The following PDZD2 variants were observed in gnomAD, a reference collection of about 807,000 sequenced individuals.
PDZD2 encodes the protein PDZ domain containing 2, also known as PDZ domain-containing protein 2.
Under a neutral mutation model 220.7 loss-of-function variants are expected in PDZD2, and 90 were observed. The ratio of observed to expected loss-of-function variants is 0.41; its 90% CI spans 0.34 to 0.49. The LOEUF (loss-of-function observed/expected upper bound fraction) is 0.49. Among genes scored for constraint, PDZD2 ranks in the 20% least tolerant of loss-of-function variants. The pLI, the probability that PDZD2 is intolerant of heterozygous loss-of-function variation, is 0.28. For synonymous variants in PDZD2, 1,375 were observed against 1,450.5 expected (o/e 0.95, Z 1.18); for missense variants, 3,174 against 3,608.5 (o/e 0.88, Z 3.08).
intron 6 of PDZD2, among the ~76,000 whole-genome samples, chr5:32,024,776 G>T (rs1016068767): frequency 6.6e-6 from 1 of 152,164 alleles, no homozygotes; most frequent in Non-Finnish European, 1.5e-5. Flanking sequence ...TGTAGATGAG[G>T]AGTTACAACT....
At chr5:31,765,598 T>C (rs894524407) in intron 1 of PDZD2, among the ~76,000 whole-genome samples, 1 of 152,290 alleles carries the variant, frequency 6.6e-6, no homozygotes, top group Non-Finnish European at 1.5e-5. Context: ...CTGTGTAGCC[T>C]GAGCTGAAAA....
chr5:31,880,791 CTTTTTTT>C lies in PDZD2; in HGVS notation c.476+81088_476+81094del, dbSNP rs1037018187. On this transcript the variant is annotated intron_variant, in intron 2 of 24. Transcript: ENST00000438447. ...AGAAAGGTAGCTTTCTTTTTTTTTT[CTTTTTTT>C]TTTTTTTTTTTTTTTTTTTTGAGAT... 2.5e-3 allele frequency among the ~76,000 whole-genome samples: 194 copies of C among 76,430 alleles called. 1 individual carries two copies. Among genetic ancestry groups the C allele is most frequent in the East Asian group, 4.7e-3 (13 of 2,758 alleles). The allele number at this position is 76,430 out of a possible 152,430, so 50.1% of individuals were successfully genotyped here.
chr5:31,693,113 G>A (rs1224410672), intron 1 of PDZD2: 1 of 151,888 alleles, frequency 6.6e-6, no homozygotes, highest in Non-Finnish European at 1.5e-5. Flanking sequence ...GCTCATGATT[G>A]GATGTGAGGT....
At chr5:32,019,479 A>G (rs1754026085) in intron 6 of PDZD2, among the ~76,000 whole-genome samples, 1 of 152,166 alleles carries the variant, frequency 6.6e-6, no homozygotes, top group African/African-American at 2.4e-5. Context: ...TGGATCCTCA[A>G]AGAGCAGTGG....
chr5:31,897,743 C>CTT (rs34233036), intron 2 of PDZD2, among the ~76,000 whole-genome samples: 5,543 of 146,774 alleles, frequency 0.038, 264 homozygotes, highest in African/African-American at 0.1. Context: ...TGACTGTTGG[C>CTT]TTTTTTTTTT....
At chr5:31,753,128 T>G (rs1196978751) in intron 1 of PDZD2, among the ~76,000 whole-genome samples, 1 of 152,202 alleles carries the variant, frequency 6.6e-6, no homozygotes, top group African/African-American at 2.4e-5. Flanking sequence ...GTCTATGAGG[T>G]ATCAGGTGGA....
intron 7 of PDZD2, among the ~76,000 whole-genome samples, chr5:32,038,964 A>C (rs946820134): frequency 6.6e-6 from 1 of 152,252 alleles, no homozygotes; most frequent in Non-Finnish European, 1.5e-5. Context: ...TTAACGTTCA[A>C]AAAACATTCA....
intron 6 of PDZD2, among the ~76,000 whole-genome samples, chr5:32,026,131 G>A (rs192977687): frequency 1.5e-5 from 2 of 137,432 alleles, no homozygotes; most frequent in East Asian, 4.1e-4. Context: ...TTGTCCTGTT[G>A]ACTACTATTT....
chr5:31,780,580 G>C (rs993006195), intron 1 of PDZD2, among the ~76,000 whole-genome samples: 1 of 152,188 alleles, frequency 6.6e-6, no homozygotes, highest in Non-Finnish European at 1.5e-5. Context: ...AAGACAGGTA[G>C]ATCCACTTTT....
intron 6 of PDZD2, among the ~76,000 whole-genome samples, chr5:32,011,864 G>A (rs1182019393): frequency 6.6e-6 from 1 of 152,158 alleles, no homozygotes; most frequent in Non-Finnish European, 1.5e-5. Flanking sequence ...ACTGCACAAA[G>A]GTGTCACTTG....
At chr5:31,971,732 A>C (rs1323930374) in intron 2 of PDZD2, among the ~76,000 whole-genome samples, 3 of 151,760 alleles carry the variant, frequency 2.0e-5, no homozygotes, top group Non-Finnish European at 4.4e-5. Flanking sequence ...ATATTAAAAC[A>C]TAATACATTT....
chr5:31,643,280 AG>A (rs1745016089), intron 1 of PDZD2, among the ~76,000 whole-genome samples: 1 of 152,152 alleles, frequency 6.6e-6, no homozygotes, highest in African/African-American at 2.4e-5. Flanking sequence ...GTGGATGAAA[AG>A]TTTTGGACTA....
chr5:32,072,074 T>C, intron 16 of PDZD2, 87 bp from the exon 17 acceptor site: 4 of 904,930 alleles, frequency 4.4e-6, no homozygotes, highest in Admixed American at 2.2e-5. Flanking sequence ...TAGAACGAAG[T>C]GTTCTTGGAA....
intron 2 of PDZD2, among the ~76,000 whole-genome samples, chr5:31,902,648 A>AT (rs1401292860): frequency 6.6e-6 from 1 of 150,588 alleles, no homozygotes; most frequent in Admixed American, 6.6e-5. Context: ...ATGCCTGCTA[A>AT]TTTTTGTATT....
intron 2 of PDZD2, among the ~76,000 whole-genome samples, chr5:31,805,610 C>A (rs1046288602): frequency 6.6e-6 from 1 of 152,186 alleles, no homozygotes; most frequent in Middle Eastern, 3.2e-3. Flanking sequence ...ATGAAGGACT[C>A]TCTTGCAATC....
At chr5:31,732,500 G>A (rs1029920891) in intron 1 of PDZD2, among the ~76,000 whole-genome samples, 2 of 152,226 alleles carry the variant, frequency 1.3e-5, no homozygotes, top group Non-Finnish European at 2.9e-5. Flanking sequence ...CAGGCCAGAA[G>A]GCTGAGCAGA....
intron 1 of PDZD2, 71 bp from the exon 2 acceptor site, chr5:31,798,818 G>A (rs1382526923): frequency 1.1e-5 from 2 of 177,680 alleles, no homozygotes; most frequent in East Asian, 2.8e-4. Flanking sequence ...AACACAGGAG[G>A]CTATGTTTTC....
At chr5:32,041,908 C>CAAAAAA (rs56157199) in intron 7 of PDZD2, among the ~76,000 whole-genome samples, 1 of 90,942 alleles carries the variant, frequency 1.1e-5, no homozygotes, top group Non-Finnish European at 2.1e-5. Flanking sequence ...AAAAAGAAAG[C>CAAAAAA]AAAAAAAAAA....
chr5:31,883,216 C>CTTTTT (rs58100064), intron 2 of PDZD2, among the ~76,000 whole-genome samples: 15 of 94,512 alleles, frequency 1.6e-4, no homozygotes, highest in Non-Finnish European at 1.8e-4. Context: ...AGCATGCTAC[C>CTTTTT]TTTTTTTTTT....
Sources: gnomAD v4.1 joint callset for allele counts (sites outside exome capture counted in the v4.1 genomes callset) on GRCh38, gnomAD v4.1.1 for gene constraint, MANE v1.5 for transcripts, NCBI Gene and HGNC (gene_info 2026-07-23, HGNC 2026-07-21) for gene names.